Variants in XKR7 observed in about 807,000 individuals in gnomAD.
The protein encoded by XKR7 is XK related 7, also known as XK-related protein 7.
In XKR7, 11 loss-of-function variants were observed where a neutral mutation model predicts 42.2. The observed-to-expected ratio is 0.26, with a 90% CI of 0.16 to 0.43. The LOEUF is 0.43. XKR7 is among the 20% of genes least tolerant of loss of function. The pLI, the probability that XKR7 is intolerant of heterozygous loss-of-function variation, is 1.00. For synonymous variants in XKR7, 346 were observed against 366.4 expected (o/e 0.94, Z 0.64); for missense variants, 710 against 802.2 (o/e 0.89, Z 1.39).
Position 31,996,745 on chromosome 20 carries a change from T to C in XKR7, c.1028T>C (p.Val343Ala). ...VAHWCVMTFW[V>A]IQGETDFCMS... ...CACTGGTGCGTCATGACCTTCTGGG[T>C]CATCCAAGGGGAGACGGACTTCTGC... Residue 343 changes from valine to alanine, a missense_variant, in exon 3 of 3, where the codon GTC becomes GCC. By Grantham distance (64) the Val-to-Ala change is moderately conservative (BLOSUM62 0). This residue lies in a region of XKR7 where 708 missense variants were observed against 786.2 expected (regional missense o/e 0.90). Transcript: ENST00000562532. 1 of 1,614,036 alleles carries C rather than the reference T, an allele frequency of 6.2e-7. No individual in the cohort carries two copies. Among genetic ancestry groups the C allele is most frequent in the Non-Finnish European group, 8.5e-7 (1 of 1,179,990 alleles).
At chr20:31,985,924 CACAG>C (rs898511282) in intron 1 of XKR7, among the ~76,000 whole-genome samples, 3 of 134,478 alleles carry the variant, frequency 2.2e-5, no homozygotes, top group African/African-American at 5.9e-5. Flanking sequence ...GCATCCAAAA[CACAG>C]ACAGACCACC....
rs1031520548 is a variant in XKR7 at position 31,998,042 on chromosome 20, G to A, written c.*585G>A. ...TTGGGGTGGGGCAGGGTGTTGGGGT[G>A]GGGGGCTGGCAGTGCTGGAGATGGA... On this transcript the variant is annotated 3_prime_UTR_variant, in exon 3 of 3. Coordinates refer to ENST00000562532, the MANE Select transcript of XKR7 (RefSeq NM_001011718.2). 1 of 142,882 alleles carries A rather than the reference G, an allele frequency of 7.0e-6. No homozygotes were observed. Among genetic ancestry groups the A allele is most frequent in the East Asian group, 2.3e-4 (1 of 4,442 alleles). 8.9% of individuals were successfully genotyped at this position (142,882 alleles called of 1,614,324 possible).
intron 1 of XKR7, among the ~76,000 whole-genome samples, chr20:31,973,360 A>G (rs868230657): frequency 1.3e-5 from 2 of 152,214 alleles, no homozygotes; most frequent in African/African-American, 4.8e-5. Context: ...AGTGCTGGGA[A>G]TAGAGTGGTG....
chr20:31,989,394 G>A (rs1286697558), intron 1 of XKR7, among the ~76,000 whole-genome samples: 6 of 152,156 alleles, frequency 3.9e-5, no homozygotes, highest in African/African-American at 1.2e-4. Context: ...AGAAGCGTGG[G>A]TTTTATTCCA....
intron 1 of XKR7, among the ~76,000 whole-genome samples, chr20:31,971,672 C>G (rs971640043): frequency 6.6e-6 from 1 of 152,188 alleles, no homozygotes; most frequent in Admixed American, 6.5e-5. Context: ...AGTCACTCAC[C>G]TCCTGATCCC....
At chr20:31,972,255 C>G (rs1241656955) in intron 1 of XKR7, among the ~76,000 whole-genome samples, 1 of 152,162 alleles carries the variant, frequency 6.6e-6, no homozygotes, top group African/African-American at 2.4e-5. Context: ...TATTGATATA[C>G]CCATTTATCA....
In XKR7 at chr20:31,995,017, G is replaced by T; in HGVS notation, c.585-51G>T. 6.5e-7 allele frequency: 1 copy of T among 1,537,230 alleles called. No homozygotes were observed. The highest frequency in any genetic ancestry group is 1.2e-5 in the South Asian group (1 of 83,300). Reference sequence around the variant, plus strand: ...TGGGCGGCTCGGGGCTGGTGCGACAGAGCGAGAGGAACCAGCGCGCGGGAG... The same window carrying T: ...TGGGCGGCTCGGGGCTGGTGCGACATAGCGAGAGGAACCAGCGCGCGGGAG... On this transcript the variant is annotated intron_variant, in intron 1 of 2. Coordinates refer to ENST00000562532, the MANE Select transcript of XKR7 (RefSeq NM_001011718.2). The surrounding 1 kb of genome is among the most constrained non-coding windows in gnomAD (Gnocchi z 4.1).
At chr20:31,978,911 G>A (rs981617268) in intron 1 of XKR7, among the ~76,000 whole-genome samples, 1 of 152,092 alleles carries the variant, frequency 6.6e-6, no homozygotes, top group Non-Finnish European at 1.5e-5. Flanking sequence ...GAGGTGGGAA[G>A]ATCACTTGAG....
rs118109757 is a variant in XKR7 at position 31,982,842 on chromosome 20, T to A, written c.585-12226T>A. ...GTCTCAGCTGTGCCAGAAACCAAAC[T>A]TCCTTCTTACTGATGGGGCCTCTGA... On this transcript the variant is annotated intron_variant, in intron 1 of 2. Transcript: ENST00000562532. Among the ~76,000 whole-genome samples, 376 of 152,272 alleles carry A rather than the reference T, an allele frequency of 2.5e-3. 1 individual carries two copies. The highest frequency in any genetic ancestry group is 4.2e-3 in the Non-Finnish European group (286 of 68,024).
chr20:31,983,621 G>A (rs137987010), intron 1 of XKR7, among the ~76,000 whole-genome samples: 1 of 152,204 alleles, frequency 6.6e-6, no homozygotes, highest in Admixed American at 6.5e-5. Context: ...TGTCCTCCTG[G>A]ACCTCAAGGG....
chr20:31,997,039 C>A lies in XKR7; in HGVS notation c.1322C>A (p.Pro441His), dbSNP rs775711770. ...TGTGTCTACTACTGTCTCCTGCACCCCAATGGGCCCATGCTGGGTCCCCAG... is the reference window on the plus strand; with the variant it reads ...TGTGTCTACTACTGTCTCCTGCACCACAATGGGCCCATGCTGGGTCCCCAG... ...FMCVYYCLLH[P>H]NGPMLGPQAP... Residue 441 changes from proline (P) to histidine (H), a missense_variant, in exon 3 of 3, where the codon CCC becomes CAC. This residue lies in a region of XKR7 where 708 missense variants were observed against 786.2 expected (regional missense o/e 0.90). Coordinates refer to ENST00000562532, the MANE Select transcript of XKR7 (RefSeq NM_001011718.2). The A allele has an allele frequency of 6.2e-7, 1 of 1,613,984 alleles. No individual in the cohort carries two copies. The highest frequency in any genetic ancestry group is 8.5e-7 in the Non-Finnish European group (1 of 1,180,042).
rs762101283 is a variant in XKR7 at position 31,998,801 on chromosome 20, G to GC, written c.*1345dup. The GC allele has an allele frequency of 2.6e-5, 4 of 152,188 alleles. No individual in the cohort carries two copies. Among genetic ancestry groups the GC allele is most frequent in the Non-Finnish European group, 5.9e-5 (4 of 68,040 alleles). 9.4% of individuals were successfully genotyped at this position (152,188 alleles called of 1,614,324 possible). ...CACTCTGCAAATGGGGCTCCCTGGAGCGGCATCTGGGAAACTGACTTGTTT... is the reference window on the plus strand; with the variant it reads ...CACTCTGCAAATGGGGCTCCCTGGAGCCGGCATCTGGGAAACTGACTTGTTT... On this transcript the variant is annotated 3_prime_UTR_variant, in exon 3 of 3. Transcript: ENST00000562532.
chr20:31,990,198 G>C (rs1347708891), intron 1 of XKR7, among the ~76,000 whole-genome samples: 2 of 151,842 alleles, frequency 1.3e-5, no homozygotes, highest in African/African-American at 4.8e-5. Context: ...GTGTGTGTGT[G>C]TGTGTGTGTG....
rs762524210 is a variant in XKR7, at chr20:31,996,715, T to C, written c.998T>C (p.Val333Ala). 1 of 1,612,922 alleles carries C rather than the reference T, an allele frequency of 6.2e-7. No homozygotes were observed. Among genetic ancestry groups the C allele is most frequent in the Non-Finnish European group, 8.5e-7 (1 of 1,179,418 alleles). ...VYKLYFGIFI[V>A]AHWCVMTFWV... ...AAGCTCTATTTTGGCATCTTCATCG[T>C]GGCCCACTGGTGCGTCATGACCTTC... is the stretch of plus-strand genomic sequence containing the variant. The change falls in exon 3 of 3, where the codon GTG becomes GCG. Residue 333 changes from valine (V) to alanine (A), a missense_variant. Val to Ala is a moderately conservative substitution (Grantham distance 64). Transcript: ENST00000562532.
At chr20:31,976,211 C>T (rs1423030178) in intron 1 of XKR7, among the ~76,000 whole-genome samples, 1 of 152,156 alleles carries the variant, frequency 6.6e-6, no homozygotes, top group African/African-American at 2.4e-5. Flanking sequence ...GAAGAGTGGC[C>T]TTCCAATTCA....
intron 1 of XKR7, among the ~76,000 whole-genome samples, chr20:31,981,442 A>G (rs2064512538): frequency 6.6e-6 from 1 of 152,196 alleles, no homozygotes; most frequent in Admixed American, 6.5e-5. Context: ...CTGTAATCCC[A>G]GCCCTTTGGG....
chr20:31,970,416 G>C (rs2064459582), intron 1 of XKR7: 1 of 152,220 alleles, frequency 6.6e-6, no homozygotes, highest in Non-Finnish European at 1.5e-5. Flanking sequence ...AAATGGCCAT[G>C]GGTGTGGGGT....
Position 31,985,169 on chromosome 20 carries a change from C to T in XKR7, c.585-9899C>T, listed in dbSNP as rs183711348. The stretch of plus-strand genomic sequence containing the variant: ...ACCCCTGCCCATCAGTCCTGGCTCT[C>T]CCATCTGCCTCCCAGCCCCACCCTG... On this transcript the variant is annotated intron_variant, in intron 1 of 2. Coordinates refer to ENST00000562532, the MANE Select transcript of XKR7 (RefSeq NM_001011718.2). Among the ~76,000 whole-genome samples, 21 of 152,272 alleles carry T rather than the reference C, an allele frequency of 1.4e-4. No homozygotes were observed. The East Asian group carries it at 4.1e-3, about 29-fold the overall frequency.
chr20:31,969,181 G>T (rs901558844), intron 1 of XKR7, among the ~76,000 whole-genome samples: 2 of 152,146 alleles, frequency 1.3e-5, no homozygotes, highest in Non-Finnish European at 2.9e-5. Flanking sequence ...TTTCCTGCTC[G>T]CAAAGATCCT....
Sources: gnomAD v4.1 joint callset for allele counts (sites outside exome capture counted in the v4.1 genomes callset) on GRCh38, gnomAD v4.1.1 for gene constraint, gnomAD v4.1.1 regional missense constraint, Gnocchi (gnomAD v3.1) non-coding constraint, MANE v1.5 for transcripts, NCBI Gene and HGNC (gene_info 2026-07-23, HGNC 2026-07-21) for gene names.